Variants in CCDC171 observed in about 807,000 individuals in gnomAD.
CCDC171 encodes the protein coiled-coil domain containing 171, also known as coiled-coil domain-containing protein 171.
In CCDC171, 177 loss-of-function variants were observed where a neutral mutation model predicts 168.2. That is an observed-to-expected ratio of 1.05 (90% CI 0.93 to 1.19). The LOEUF is 1.19. Among genes scored for constraint, CCDC171 ranks in the 50% most tolerant of loss-of-function variants. The pLI is 0.00. For missense variants in CCDC171, 1,991 were observed against 1,539.0 expected, an observed-to-expected ratio of 1.29 and a Z score of -4.91; for synonymous variants, 687 against 540.8, an observed-to-expected ratio of 1.27 and a Z score of -3.75.
chr9:15,680,822 G>T (rs991795645), intron 10 of CCDC171, among the ~76,000 whole-genome samples: 38 of 152,090 alleles, frequency 2.5e-4, no homozygotes, highest in African/African-American at 9.2e-4. Flanking sequence ...TACTGCATTT[G>T]GTTCGCTTGC....
At chr9:15,679,149 A>T (rs1221984541) in intron 10 of CCDC171, among the ~76,000 whole-genome samples, 1 of 152,174 alleles carries the variant, frequency 6.6e-6, no homozygotes, top group Non-Finnish European at 1.5e-5. Flanking sequence ...TCAAAAATGT[A>T]TTCAAATGTT....
chr9:16,043,340 T>C (rs1337882843), intron 1 of CCDC171, among the ~76,000 whole-genome samples: 1 of 152,218 alleles, frequency 6.6e-6, no homozygotes, highest in African/African-American at 2.4e-5. Flanking sequence ...GTTGTTAATT[T>C]ATTATGACTA....
intron 24 of CCDC171, among the ~76,000 whole-genome samples, chr9:15,895,976 T>A (rs1306446802): frequency 6.6e-6 from 1 of 152,084 alleles, no homozygotes; most frequent in Non-Finnish European, 1.5e-5. Context: ...ATGGTTTTCA[T>A]GTCCATATGC....
intron 24 of CCDC171, among the ~76,000 whole-genome samples, chr9:15,888,437 A>G (rs1480989136): frequency 6.6e-6 from 1 of 152,214 alleles, no homozygotes; most frequent in Non-Finnish European, 1.5e-5. Flanking sequence ...CTATTTAAAT[A>G]ATTACATAAA....
chr9:15,968,120 G>A (rs1004575475), intron 25 of CCDC171, among the ~76,000 whole-genome samples: 2 of 152,062 alleles, frequency 1.3e-5, no homozygotes, highest in African/African-American at 2.4e-5. Context: ...TTTAGCTGAT[G>A]GACTATAGCA....
chr9:15,805,582 A>G (rs1335132203), intron 21 of CCDC171, among the ~76,000 whole-genome samples: 1 of 152,100 alleles, frequency 6.6e-6, no homozygotes, highest in African/African-American at 2.4e-5. Context: ...ACTGAGTTCT[A>G]ATTTGATAAC....
At chr9:15,823,391 A>G (rs1436188389) in intron 21 of CCDC171, among the ~76,000 whole-genome samples, 1 of 152,172 alleles carries the variant, frequency 6.6e-6, no homozygotes, top group East Asian at 1.9e-4. Context: ...AAAAGGAATA[A>G]TAATTTTTTT....
At chr9:16,060,112 A>C (rs1286797063) in intron 1 of CCDC171, among the ~76,000 whole-genome samples, 4 of 152,168 alleles carry the variant, frequency 2.6e-5, no homozygotes, top group Admixed American at 6.5e-5. Flanking sequence ...TTTGTATTTA[A>C]TTGTGTATTA....
chr9:16,080,959 G>A, the CCDC171 span, among the ~76,000 whole-genome samples: 1 of 152,100 alleles, frequency 6.6e-6, no homozygotes, highest in Non-Finnish European at 1.5e-5. Context: ...CTCTGATAAA[G>A]TTTCATCTGC....
At chr9:15,863,794 C>T (rs182083838) in intron 23 of CCDC171, among the ~76,000 whole-genome samples, 150 of 152,072 alleles carry the variant, frequency 9.9e-4, no homozygotes, top group African/African-American at 3.5e-3. Flanking sequence ...TCGTGGCATA[C>T]ACAGTTTTTT....
rs533480998 is a variant in CCDC171 at position 15,923,694 on chromosome 9, T to C, written c.3753+3272T>C. Among the ~76,000 whole-genome samples the C allele has an allele frequency of 3.3e-5, 5 of 151,650 alleles. 1 individual carries two copies. The East Asian group carries it at 9.7e-4, about 29-fold the overall frequency. ...CTATGTGAGGTATTACATTTGTTAA[T>C]AGCTAGATCTAACAATTTAACAATG... On this transcript the variant is annotated intron_variant, in intron 25 of 25. Transcript: ENST00000380701.
chr9:15,730,052 T>A (rs534247840), intron 16 of CCDC171, among the ~76,000 whole-genome samples: 2 of 151,960 alleles, frequency 1.3e-5, no homozygotes, highest in Non-Finnish European at 2.9e-5. Flanking sequence ...AATGCATTGG[T>A]CAGTTAATTA....
chr9:15,594,770 T>G (rs1046597999), intron 6 of CCDC171, among the ~76,000 whole-genome samples: 3 of 152,144 alleles, frequency 2.0e-5, no homozygotes, highest in African/African-American at 7.2e-5. Context: ...CCAGTGTACT[T>G]TGCATTTTTT....
At chr9:15,664,585 C>CACACACACACAG (rs2048583927) in intron 8 of CCDC171, among the ~76,000 whole-genome samples, 2 of 151,880 alleles carry the variant, frequency 1.3e-5, no homozygotes, top group Non-Finnish European at 2.9e-5. Flanking sequence ...CACACACACA[C>CACACACACACAG]ACACTCACAC....
chr9:15,821,830 C>G (rs2059783779), intron 21 of CCDC171, among the ~76,000 whole-genome samples: 1 of 103,190 alleles, frequency 9.7e-6, no homozygotes, highest in Non-Finnish European at 2.2e-5. Flanking sequence ...TTGGAAAAAA[C>G]TACTTTAAAG....
intron 9 of CCDC171, among the ~76,000 whole-genome samples, chr9:15,668,687 C>G (rs1475458210): frequency 6.6e-6 from 1 of 152,140 alleles, no homozygotes; most frequent in Non-Finnish European, 1.5e-5. Flanking sequence ...TCCATCCCTA[C>G]TATCTGTAGT....
rs1449931435 is a variant in CCDC171, at chr9:15,821,623, C to A, written c.3268-25079C>A. Among the ~76,000 whole-genome samples, 3 of 116,804 alleles carry A rather than the reference C, an allele frequency of 2.6e-5. 1 individual carries two copies. The highest frequency in any genetic ancestry group is 9.7e-5 in the African/African-American group (3 of 30,932). The allele number at this position is 116,804 out of a possible 152,430, so 76.6% of individuals were successfully genotyped here. A position where few individuals can be genotyped will look rare whatever the true frequency, so the allele number is the denominator to read the frequency against. On this transcript the variant is annotated intron_variant, in intron 21 of 25. Coordinates refer to ENST00000380701, the MANE Select transcript of CCDC171 (RefSeq NM_173550.4). ...ATAAAATACCTAGGAATCCAACTTACAAGGGACGTGAAGGACCTCTTCAAG... is the reference window on the plus strand; with the variant it reads ...ATAAAATACCTAGGAATCCAACTTAAAAGGGACGTGAAGGACCTCTTCAAG...
intron 21 of CCDC171, among the ~76,000 whole-genome samples, chr9:15,813,813 T>C (rs1165909298): frequency 6.6e-6 from 1 of 152,234 alleles, no homozygotes; most frequent in African/African-American, 2.4e-5. Context: ...TAAAATACTG[T>C]AGTTTTGAAT....
chr9:15,621,792 G>A (rs2044528588), intron 6 of CCDC171, among the ~76,000 whole-genome samples: 1 of 152,112 alleles, frequency 6.6e-6, no homozygotes. Context: ...TATACTCAAA[G>A]GAATAGAAAT....
Sources: gnomAD v4.1 joint callset for allele counts (sites outside exome capture counted in the v4.1 genomes callset) on GRCh38, gnomAD v4.1.1 for gene constraint, MANE v1.5 for transcripts, NCBI Gene and HGNC (gene_info 2026-07-23, HGNC 2026-07-21) for gene names.